The following DIAPH2 variants were observed in gnomAD, a reference collection of about 807,000 sequenced individuals.
The protein encoded by DIAPH2 is protein diaphanous homolog 2.
DIAPH2 carries 35 observed loss-of-function variants against 92.7 expected under a neutral mutation model. That is an observed-to-expected ratio of 0.38 (90% CI 0.29 to 0.50). DIAPH2 has a LOEUF of 0.50. DIAPH2 is among the 20% of genes least tolerant of loss of function. DIAPH2 has a pLI of 0.94. For synonymous variants in DIAPH2, 301 were observed against 280.4 expected, an observed-to-expected ratio of 1.07 and a Z score of -0.73; for missense variants, 701 against 819.5, an observed-to-expected ratio of 0.86 and a Z score of 1.77.
chrX:97,497,134 A>C (rs1235007200), intron 26 of DIAPH2, among the ~76,000 whole-genome samples: 6 of 111,014 alleles, frequency 5.4e-5, no homozygotes, highest in Non-Finnish European at 1.1e-4. Flanking sequence ...TGATTAGTCC[A>C]AAGGTGATTT....
At chrX:96,736,407 T>C (rs764962959) in intron 2 of DIAPH2, among the ~76,000 whole-genome samples, 2 of 111,268 alleles carry the variant, frequency 1.8e-5, no homozygotes, top group African/African-American at 3.3e-5. Context: ...CATTTTCTTT[T>C]TGAGACAGAG....
At chrX:96,875,698 C>CTT (rs761265310) in intron 4 of DIAPH2, among the ~76,000 whole-genome samples, 1 of 110,529 alleles carries the variant, frequency 9.0e-6, no homozygotes, top group Non-Finnish European at 1.9e-5. Flanking sequence ...AGGTTTTTTT[C>CTT]TTATAGACTT....
At chrX:97,169,688 A>C (rs1452964225) in intron 22 of DIAPH2, among the ~76,000 whole-genome samples, 1 of 111,183 alleles carries the variant, frequency 9.0e-6, no homozygotes, top group Non-Finnish European at 1.9e-5. Flanking sequence ...ACATGGTGAG[A>C]CCTCCTCTTT....
chrX:96,730,385 G>A (rs918860508), intron 1 of DIAPH2, among the ~76,000 whole-genome samples: 12 of 111,479 alleles, frequency 1.1e-4, no homozygotes, highest in African/African-American at 3.9e-4. Flanking sequence ...TGGTTACCAG[G>A]TGATTGGCCT....
chrX:96,958,192 T>C (rs1333338163), intron 16 of DIAPH2, 44 bp downstream of exon 16: 2 of 1,176,571 alleles, frequency 1.7e-6, no homozygotes, highest in African/African-American at 3.6e-5. Flanking sequence ...TAGCTTTTGT[T>C]GATCATTGCT....
chrX:97,494,911 C>A (rs1469322525), intron 26 of DIAPH2, among the ~76,000 whole-genome samples: 1 of 112,430 alleles, frequency 8.9e-6, no homozygotes, highest in Non-Finnish European at 1.9e-5. Flanking sequence ...TCTTGTAGAG[C>A]TATGCTCACC....
At chrX:96,764,961 C>G (rs2064292568) in intron 4 of DIAPH2, among the ~76,000 whole-genome samples, 1 of 110,724 alleles carries the variant, frequency 9.0e-6, no homozygotes, top group Non-Finnish European at 1.9e-5. Flanking sequence ...CCCTAATTAC[C>G]CACACTGTTA....
intron 23 of DIAPH2, among the ~76,000 whole-genome samples, chrX:97,337,557 C>T (rs1202519794): frequency 9.0e-6 from 1 of 111,647 alleles, no homozygotes; most frequent in Non-Finnish European, 1.9e-5. Flanking sequence ...CTGAGGACTC[C>T]CCAGCCATGT....
At chrX:97,005,402 A>T (rs1369742803) in intron 17 of DIAPH2, among the ~76,000 whole-genome samples, 1 of 107,962 alleles carries the variant, frequency 9.3e-6, no homozygotes, top group East Asian at 2.9e-4. Context: ...GGTAGAATTT[A>T]GCAGTGAAAC....
intron 22 of DIAPH2, among the ~76,000 whole-genome samples, chrX:97,203,355 C>A (rs1445114403): frequency 1.4e-5 from 1 of 71,882 alleles, no homozygotes; most frequent in Admixed American, 1.6e-4. Context: ...ACACGAAAAA[C>A]CCTTCAAAAA....
chrX:96,822,468 T>C (rs772640712), intron 4 of DIAPH2, among the ~76,000 whole-genome samples: 1 of 112,091 alleles, frequency 8.9e-6, no homozygotes, highest in South Asian at 3.7e-4. Context: ...AAGCATACGT[T>C]GTAAAATTTT....
At position 97,595,015 on chromosome X, in the gene DIAPH2, C is replaced by T. The variant is rs745377835; in HGVS notation, c.3242-4238C>T. 4.5e-5 allele frequency among the ~76,000 whole-genome samples: 5 copies of T among 111,848 alleles called. No homozygotes were observed. In the East Asian group the frequency reaches 8.4e-4, roughly 19 times the overall value. On this transcript the variant is annotated intron_variant, in intron 26 of 26. Coordinates refer to ENST00000324765, the MANE Select transcript of DIAPH2 (RefSeq NM_006729.5). ...GATACAGCCTTGTACTTTTGGCACT[C>T]GCTCACTGTGTTAGAGGATTGTTTG... is the stretch of plus-strand genomic sequence containing the variant.
chrX:96,736,968 T>C (rs201600451), intron 2 of DIAPH2, among the ~76,000 whole-genome samples: 1 of 112,301 alleles, frequency 8.9e-6, no homozygotes, highest in East Asian at 2.8e-4. Context: ...TATTTTGGAT[T>C]ACTTAACTTT....
At chrX:97,066,658 C>G (rs974670059) in intron 17 of DIAPH2, among the ~76,000 whole-genome samples, 1 of 112,089 alleles carries the variant, frequency 8.9e-6, no homozygotes, top group African/African-American at 3.2e-5. Flanking sequence ...GCATTACCTG[C>G]TGAGTTATTG....
At chrX:97,438,812 C>T (rs942236715) in intron 26 of DIAPH2, among the ~76,000 whole-genome samples, 61 of 111,826 alleles carry the variant, frequency 5.5e-4, no homozygotes, top group Admixed American at 1.2e-3. Context: ...TGACAGGAAA[C>T]GCTAGACACA....
At chrX:97,287,952 C>CAAAAAAAAAAAAAAAAAAAAAA (rs748309881) in intron 23 of DIAPH2, among the ~76,000 whole-genome samples, 2 of 39,789 alleles carry the variant, frequency 5.0e-5, no homozygotes, top group African/African-American at 2.2e-4. Flanking sequence ...GACTCTGTCT[C>CAAAAAAAAAAAAAAAAAAAAAA]AAAAAAAAAA....
intron 1 of DIAPH2, among the ~76,000 whole-genome samples, chrX:96,726,161 T>G (rs1293107636): frequency 2.7e-5 from 3 of 111,944 alleles, no homozygotes; most frequent in African/African-American, 3.2e-5. Context: ...CCTTATCTAT[T>G]TATATTGCTC....
chrX:97,453,227 A>G (rs1208847331), intron 26 of DIAPH2, among the ~76,000 whole-genome samples: 2 of 111,279 alleles, frequency 1.8e-5, no homozygotes, highest in East Asian at 5.6e-4. Flanking sequence ...AAATGGTTGT[A>G]TATTATTTGA....
At chrX:97,196,879 C>T (rs2067709334) in intron 22 of DIAPH2, among the ~76,000 whole-genome samples, 1 of 107,401 alleles carries the variant, frequency 9.3e-6, no homozygotes, top group Non-Finnish European at 1.9e-5. Flanking sequence ...CTCCGCCTGC[C>T]GGGTTCAAGC....
Sources: gnomAD v4.1 joint callset for allele counts (sites outside exome capture counted in the v4.1 genomes callset) on GRCh38, gnomAD v4.1.1 for gene constraint, MANE v1.5 for transcripts, NCBI Gene and HGNC (gene_info 2026-07-23, HGNC 2026-07-21) for gene names.